CHST9: variants seen among roughly 807,000 people sequenced by gnomAD.
CHST9 encodes GalNAc-4-sulfotransferase 2.
In CHST9, 41 loss-of-function variants were observed where a neutral mutation model predicts 44.4. The observed-to-expected ratio is 0.92, with a 90% CI of 0.72 to 1.20. The LOEUF (loss-of-function observed/expected upper bound fraction) is 1.20, where lower values mean the gene tolerates loss of function less well. CHST9 is among the 50% of genes most tolerant of loss of function. The pLI is 0.00. For synonymous variants in CHST9, 171 were observed against 178.4 expected (o/e 0.96, Z 0.33); for missense variants, 504 against 516.5 (o/e 0.98, Z 0.23).
chr18:27,084,515 T>C (rs1439690107), intron 2 of CHST9, among the ~76,000 whole-genome samples: 2 of 151,812 alleles, frequency 1.3e-5, no homozygotes, highest in South Asian at 4.2e-4. Context: ...TTGCTTCTGA[T>C]TGTGTTTGTT....
chr18:27,022,183 C>T (rs912191042), intron 4 of CHST9, among the ~76,000 whole-genome samples: 1 of 152,156 alleles, frequency 6.6e-6, no homozygotes, highest in Non-Finnish European at 1.5e-5. Flanking sequence ...TTGCATTGTT[C>T]ATGGGTGGCT....
chr18:26,937,331 G>A (rs893141181), intron 5 of CHST9, among the ~76,000 whole-genome samples: 1 of 152,088 alleles, frequency 6.6e-6, no homozygotes, highest in Non-Finnish European at 1.5e-5. Flanking sequence ...TTTGAAAAAA[G>A]ACATACCACA....
At chr18:27,158,576 T>C (rs2058717444) in intron 1 of CHST9, among the ~76,000 whole-genome samples, 1 of 152,160 alleles carries the variant, frequency 6.6e-6, no homozygotes, top group Non-Finnish European at 1.5e-5. Flanking sequence ...TGTGTGCACG[T>C]GTCTTTATAG....
intron 2 of CHST9, among the ~76,000 whole-genome samples, chr18:27,051,414 A>T (rs1168903094): frequency 6.6e-6 from 1 of 152,166 alleles, no homozygotes; most frequent in Non-Finnish European, 1.5e-5. Flanking sequence ...GCAGGACCCC[A>T]TCTCAAAAAA....
intron 2 of CHST9, among the ~76,000 whole-genome samples, chr18:27,128,563 C>T (rs1176655842): frequency 4.6e-5 from 7 of 152,140 alleles, no homozygotes; most frequent in Non-Finnish European, 7.3e-5. Context: ...CCACCGTGCC[C>T]GGCCCCAAAT....
At chr18:27,039,321 T>C (rs555276465) in intron 3 of CHST9, among the ~76,000 whole-genome samples, 1 of 152,252 alleles carries the variant, frequency 6.6e-6, no homozygotes, top group East Asian at 1.9e-4. Flanking sequence ...ATACATACAA[T>C]TGAATCAGTC....
At chr18:27,143,329 T>C (rs1045587286) in intron 1 of CHST9, among the ~76,000 whole-genome samples, 2 of 152,092 alleles carry the variant, frequency 1.3e-5, no homozygotes, top group Non-Finnish European at 2.9e-5. Flanking sequence ...AGTTCAAAAA[T>C]TGAAGGTGTA....
In CHST9 at chr18:27,042,228, G is replaced by A. The variant is rs1398764715; in HGVS notation, c.160+6237C>T. On this transcript the variant is annotated intron_variant, in intron 3 of 5. Coordinates refer to ENST00000618847, the MANE Select transcript of CHST9 (RefSeq NM_031422.6). The stretch of plus-strand genomic sequence containing the variant: ...GTGTTAAGCCAGATGTGGATCACAG[G>A]TCTGGGTTCAAGTCTCAATTCTGCC... Among the ~76,000 whole-genome samples, 10 of 152,028 alleles carry A rather than the reference G, an allele frequency of 6.6e-5. No homozygotes were observed. The East Asian group carries it at 1.9e-3, about 29-fold the overall frequency.
intron 4 of CHST9, among the ~76,000 whole-genome samples, chr18:26,968,772 T>A (rs1212633065): frequency 6.6e-6 from 1 of 152,214 alleles, no homozygotes; most frequent in Non-Finnish European, 1.5e-5. Context: ...TCTTACCTTA[T>A]GGTTAAAAAT....
intron 1 of CHST9, among the ~76,000 whole-genome samples, chr18:27,172,010 G>C (rs1288932022): frequency 6.6e-6 from 1 of 152,134 alleles, no homozygotes; most frequent in Non-Finnish European, 1.5e-5. Flanking sequence ...TCTGCATTCT[G>C]TTTGCAGGGA....
At chr18:27,120,286 C>T (rs1346517407) in intron 2 of CHST9, among the ~76,000 whole-genome samples, 1 of 152,124 alleles carries the variant, frequency 6.6e-6, no homozygotes, top group Non-Finnish European at 1.5e-5. Flanking sequence ...TACCACTTAT[C>T]CTCTTCTCAG....
chr18:26,932,772 T>A lies in CHST9; in HGVS notation c.240+11557A>T, dbSNP rs747474842. Among the ~76,000 whole-genome samples the A allele has an allele frequency of 5.3e-5, 8 of 152,234 alleles. 1 individual carries two copies. Among genetic ancestry groups the A allele is most frequent in the African/African-American group, 9.6e-5 (4 of 41,464 alleles). On this transcript the variant is annotated intron_variant, in intron 5 of 5. Coordinates refer to ENST00000618847, the MANE Select transcript of CHST9 (RefSeq NM_031422.6). ...CTCCCCAGATCCATCAGTAGCATTGTCTTCTCTGGGCTTCTCTTATAGAAC... is the reference window on the plus strand; with the variant it reads ...CTCCCCAGATCCATCAGTAGCATTGACTTCTCTGGGCTTCTCTTATAGAAC...
intron 2 of CHST9, among the ~76,000 whole-genome samples, chr18:27,076,073 A>C (rs547238607): frequency 6.6e-6 from 1 of 152,232 alleles, no homozygotes. Context: ...TTCAAAGCAC[A>C]TGGTATCCAG....
rs969636356 is a variant in CHST9 at position 26,914,511 on chromosome 18, A to T, written c.*1748T>A. 1.3e-5 allele frequency: 2 copies of T among 157,818 alleles called. No homozygotes were observed. The highest frequency in any genetic ancestry group is 4.8e-5 in the African/African-American group (2 of 41,738). The allele number at this position is 157,818 out of a possible 1,614,324, so 9.8% of individuals were successfully genotyped here. ...TGTAATTTAGATTACTCCAGAGTAA[A>T]ACGTCTTAAAAACTGAGAGCACAGC... On this transcript the variant is annotated 3_prime_UTR_variant, in exon 6 of 6. Transcript: ENST00000618847.
At chr18:27,048,567 G>A in intron 2 of CHST9, 64 bp from the exon 3 acceptor site, 1 of 1,387,162 alleles carries the variant, frequency 7.2e-7, no homozygotes, top group Non-Finnish European at 1.0e-6. Context: ...AAAATAAGAT[G>A]AAAGCCCAGT....
chr18:27,165,137 A>T (rs2058780147), intron 1 of CHST9, among the ~76,000 whole-genome samples: 1 of 152,204 alleles, frequency 6.6e-6, no homozygotes. Flanking sequence ...GATGCTTGGG[A>T]GACTGTGTGG....
At chr18:26,967,875 C>T (rs146726474) in intron 4 of CHST9, among the ~76,000 whole-genome samples, 90 of 152,312 alleles carry the variant, frequency 5.9e-4, no homozygotes, top group African/African-American at 2.1e-3. Context: ...GGTGGAAAGA[C>T]TAGACTGGCT....
intron 4 of CHST9, among the ~76,000 whole-genome samples, chr18:26,969,553 C>T (rs2056514685): frequency 6.6e-6 from 1 of 152,138 alleles, no homozygotes; most frequent in Non-Finnish European, 1.5e-5. Context: ...TAGGCACTCT[C>T]CTGGGCTCTG....
At chr18:27,031,013 A>G (rs1360586479) in intron 3 of CHST9, among the ~76,000 whole-genome samples, 1 of 152,056 alleles carries the variant, frequency 6.6e-6, no homozygotes, top group Non-Finnish European at 1.5e-5. Context: ...CCCCCATCCC[A>G]TAAGTGTTCT....
Sources: allele counts gnomAD v4.1 joint callset (sites outside exome capture counted in the v4.1 genomes callset), GRCh38; gene constraint gnomAD v4.1.1; transcripts MANE v1.5; gene names NCBI Gene and HGNC (gene_info 2026-07-23, HGNC 2026-07-21).